The following DLG2 variants were observed in gnomAD, a reference collection of about 807,000 sequenced individuals.
DLG2 encodes disks large homolog 2.
DLG2 carries 45 observed loss-of-function variants against 132.5 expected under a neutral mutation model. That is an observed-to-expected ratio of 0.34 (90% CI 0.27 to 0.44). The LOEUF is 0.44. Ranked by LOEUF, DLG2 falls within the 20% of genes least tolerant of loss-of-function variation. DLG2 has a pLI of 1.00. For missense variants in DLG2, 1,045 were observed against 1,196.9 expected, an observed-to-expected ratio of 0.87 and a Z score of 1.87; for synonymous variants, 424 against 419.6, an observed-to-expected ratio of 1.01 and a Z score of -0.13.
At chr11:84,025,378 C>T (rs1217838981) in intron 11 of DLG2, among the ~76,000 whole-genome samples, 4 of 150,464 alleles carry the variant, frequency 2.7e-5, no homozygotes, top group Non-Finnish European at 4.5e-5. Flanking sequence ...GAAAGACCTG[C>T]CCCCATGTTT....
intron 6 of DLG2, among the ~76,000 whole-genome samples, chr11:84,617,575 G>A (rs978766348): frequency 2.6e-5 from 4 of 152,082 alleles, no homozygotes; most frequent in Non-Finnish European, 4.4e-5. Flanking sequence ...CTTCCACAAT[G>A]GTTGAACTAA....
chr11:84,559,936 T>C (rs1383109424), intron 6 of DLG2, among the ~76,000 whole-genome samples: 2 of 152,062 alleles, frequency 1.3e-5, no homozygotes, highest in Non-Finnish European at 1.5e-5. Context: ...ATCCCATTTG[T>C]TTTTAGCTAT....
chr11:84,184,200 A>T (rs1031026203), intron 8 of DLG2, among the ~76,000 whole-genome samples: 1 of 152,178 alleles, frequency 6.6e-6, no homozygotes, highest in Non-Finnish European at 1.5e-5. Context: ...CAACAGTGTA[A>T]AAGTGCTCCT....
chr11:84,242,528 C>G (rs2097244691), intron 8 of DLG2, among the ~76,000 whole-genome samples: 1 of 151,926 alleles, frequency 6.6e-6, no homozygotes, highest in Admixed American at 6.5e-5. Context: ...GCCTCAGCCT[C>G]CCAAGTAGCT....
intron 8 of DLG2, among the ~76,000 whole-genome samples, chr11:84,164,606 A>G (rs987599913): frequency 1.3e-5 from 2 of 152,240 alleles, no homozygotes; most frequent in Non-Finnish European, 2.9e-5. Flanking sequence ...ATAGTGAATG[A>G]ATGAGTGACT....
intron 6 of DLG2, among the ~76,000 whole-genome samples, chr11:84,598,895 G>A (rs373484050): frequency 6.6e-6 from 1 of 151,662 alleles, no homozygotes; most frequent in African/African-American, 2.4e-5. Flanking sequence ...ATTAAGCCAC[G>A]ATCACATCAC....
intron 6 of DLG2, among the ~76,000 whole-genome samples, chr11:84,599,535 T>C (rs2099570948): frequency 6.6e-6 from 1 of 152,194 alleles, no homozygotes; most frequent in Admixed American, 6.5e-5. Context: ...AAATGCTTTG[T>C]GTCTAAATTT....
intron 10 of DLG2, among the ~76,000 whole-genome samples, chr11:84,090,775 A>G (rs7109377): frequency 1.3e-5 from 2 of 152,216 alleles, no homozygotes; most frequent in African/African-American, 4.8e-5. Context: ...AGAAATATAT[A>G]CTAAGGAAAT....
chr11:85,590,649 CTCTA>C (rs2079260321), intron 3 of DLG2, among the ~76,000 whole-genome samples: 2 of 150,616 alleles, frequency 1.3e-5, no homozygotes, highest in Admixed American at 6.6e-5. Context: ...CTCTCTCTCT[CTCTA>C]TATATATATA....
chr11:84,863,214 G>C (rs1190352765), intron 6 of DLG2, among the ~76,000 whole-genome samples: 1 of 152,082 alleles, frequency 6.6e-6, no homozygotes, highest in Non-Finnish European at 1.5e-5. Context: ...AAAGCCTGCA[G>C]TCTAATGGAT....
At chr11:83,533,908 G>T (rs557858799) in intron 20 of DLG2, among the ~76,000 whole-genome samples, 1 of 152,238 alleles carries the variant, frequency 6.6e-6, no homozygotes, top group East Asian at 1.9e-4. Context: ...GTGGAAGATA[G>T]ACTGAAGGAG....
chr11:85,144,189 G>T (rs541636646), intron 5 of DLG2, among the ~76,000 whole-genome samples: 6 of 151,334 alleles, frequency 4.0e-5, no homozygotes, highest in Admixed American at 1.3e-4. Context: ...GTCCTTCTTT[G>T]TCTCTTCCTT....
At position 85,149,871 on chromosome 11, in the gene DLG2, T is replaced by A. The variant is rs550914984; in HGVS notation, c.282+4685A>T. Among the ~76,000 whole-genome samples, 617 of 152,186 alleles carry A rather than the reference T, an allele frequency of 4.1e-3. 8 individuals carry two copies. Among genetic ancestry groups the A allele is most frequent in the African/African-American group, 0.015 (604 of 41,522 alleles). ...TTCCAGCAGATGACAGAATCCCTTT[T>A]AGCAGAGTGACAATAAACAATTAAA... is the stretch of plus-strand genomic sequence containing the variant. On this transcript the variant is annotated intron_variant, in intron 5 of 27. Transcript: ENST00000376104.
chr11:85,309,143 CAGG>C (rs2080153820), intron 3 of DLG2, among the ~76,000 whole-genome samples: 1 of 152,046 alleles, frequency 6.6e-6, no homozygotes, highest in African/African-American at 2.4e-5. Context: ...TTCTCAGTCC[CAGG>C]AGAAGATTTA....
intron 9 of DLG2, among the ~76,000 whole-genome samples, chr11:84,117,915 G>C (rs945218817): frequency 2.6e-5 from 4 of 152,110 alleles, no homozygotes; most frequent in African/African-American, 9.7e-5. Context: ...GAGTGCAACG[G>C]TGCGATCTCG....
intron 6 of DLG2, among the ~76,000 whole-genome samples, chr11:84,846,454 T>C (rs987483678): frequency 2.6e-5 from 4 of 152,092 alleles, no homozygotes; most frequent in Non-Finnish European, 5.9e-5. Flanking sequence ...TCCAAATCTA[T>C]CTCCAATTAT....
At chr11:85,108,548 G>T (rs1053670009) in intron 6 of DLG2, among the ~76,000 whole-genome samples, 1 of 81,062 alleles carries the variant, frequency 1.2e-5, no homozygotes, top group Non-Finnish European at 2.3e-5. Flanking sequence ...AGAGTTAACC[G>T]CCCATTTTTT....
intron 6 of DLG2, among the ~76,000 whole-genome samples, chr11:85,107,765 TAGG>T (rs1438476823): frequency 6.6e-6 from 1 of 151,476 alleles, no homozygotes; most frequent in African/African-American, 2.4e-5. Flanking sequence ...AGCCGCACGA[TAGG>T]AGAGAAACAA....
At chr11:85,468,247 C>A (rs1368453203) in intron 3 of DLG2, among the ~76,000 whole-genome samples, 1 of 151,668 alleles carries the variant, frequency 6.6e-6, no homozygotes, top group Admixed American at 6.6e-5. Context: ...TTTTGTTGAT[C>A]TTTTCAAAAA....
Sources: gnomAD v4.1 joint callset for allele counts (sites outside exome capture counted in the v4.1 genomes callset) on GRCh38, gnomAD v4.1.1 for gene constraint, MANE v1.5 for transcripts, NCBI Gene and HGNC (gene_info 2026-07-23, HGNC 2026-07-21) for gene names.